Variants in TAF3 observed in about 807,000 individuals in gnomAD.
TAF3 encodes the protein TATA-box binding protein associated factor 3, also known as transcription initiation factor TFIID subunit 3.
A neutral mutation model predicts 80.6 loss-of-function variants in TAF3; 7 were observed. That is an observed-to-expected ratio of 0.09 (90% CI 0.05 to 0.16). The LOEUF is 0.16. TAF3 is among the 10% of genes least tolerant of loss of function. TAF3 has a pLI of 1.00. For synonymous variants in TAF3, 444 were observed against 446.1 expected, an observed-to-expected ratio of 1.00 and a Z score of 0.06; for missense variants, 921 against 1,140.2, an observed-to-expected ratio of 0.81 and a Z score of 2.77.
At chr10:7,832,980 G>C (rs1375823793) in intron 2 of TAF3, among the ~76,000 whole-genome samples, 1 of 152,194 alleles carries the variant, frequency 6.6e-6, no homozygotes, top group Non-Finnish European at 1.5e-5. Flanking sequence ...AGGATGATTT[G>C]AGGCCAGGAG....
At chr10:7,873,319 G>A (rs1243924651) in intron 2 of TAF3, among the ~76,000 whole-genome samples, 1 of 152,066 alleles carries the variant, frequency 6.6e-6, no homozygotes, top group African/African-American at 2.4e-5. Flanking sequence ...ATTTTAAAAG[G>A]TGGAAAACGG....
At chr10:7,994,991 AAAAAG>A (rs1564379724) in intron 4 of TAF3, among the ~76,000 whole-genome samples, 2 of 151,224 alleles carry the variant, frequency 1.3e-5, no homozygotes, top group African/African-American at 4.8e-5. Context: ...AAAAAAAAAA[AAAAAG>A]AAAAAAGAAA....
intron 2 of TAF3, among the ~76,000 whole-genome samples, chr10:7,839,314 A>G (rs1018389932): frequency 2.6e-5 from 4 of 152,062 alleles, no homozygotes; most frequent in African/African-American, 9.7e-5. Flanking sequence ...TGCCTCTGTA[A>G]CTTACCCAGG....
At chr10:7,823,575 G>C (rs573145946) in intron 1 of TAF3, among the ~76,000 whole-genome samples, 107 of 152,060 alleles carry the variant, frequency 7.0e-4, no homozygotes, top group African/African-American at 2.4e-3. Context: ...GTTTGAGGCA[G>C]CAAGGAGCTG....
intron 2 of TAF3, among the ~76,000 whole-genome samples, chr10:7,922,637 C>G (rs1837775306): frequency 6.6e-6 from 1 of 152,020 alleles, no homozygotes; most frequent in African/African-American, 2.4e-5. Context: ...GTACCCTGTC[C>G]TCATTTAAAT....
chr10:7,892,514 T>A (rs1021116875), intron 2 of TAF3, among the ~76,000 whole-genome samples: 2 of 152,218 alleles, frequency 1.3e-5, no homozygotes, highest in African/African-American at 4.8e-5. Flanking sequence ...GTGATGATTT[T>A]TTAAAAAGCA....
chr10:7,846,421 A>T (rs1250784922), intron 2 of TAF3, among the ~76,000 whole-genome samples: 1 of 152,126 alleles, frequency 6.6e-6, no homozygotes, highest in Non-Finnish European at 1.5e-5. Context: ...TGTGATTTTT[A>T]GTTCTTCTGG....
intron 2 of TAF3, among the ~76,000 whole-genome samples, chr10:7,844,944 A>G (rs1342463179): frequency 6.6e-6 from 1 of 152,162 alleles, no homozygotes; most frequent in Admixed American, 6.5e-5. Context: ...TGTTGCATCA[A>G]ATATCTTTGC....
At chr10:7,974,133 TACACACACACACACACACACACACAC>T (rs56363651) in intron 3 of TAF3, among the ~76,000 whole-genome samples, 1 of 145,256 alleles carries the variant, frequency 6.9e-6, no homozygotes, top group Non-Finnish European at 1.5e-5. Context: ...TTCTGAAACA[TACACACACACACACACACACACACAC>T]ACACACACAC....
chr10:7,994,809 C>CAA (rs34669002), intron 4 of TAF3, among the ~76,000 whole-genome samples: 64 of 124,354 alleles, frequency 5.1e-4, no homozygotes, highest in African/African-American at 1.8e-3. Flanking sequence ...CTAAAAATAC[C>CAA]AAAAAAAAAA....
intron 2 of TAF3, among the ~76,000 whole-genome samples, chr10:7,948,547 C>G (rs1427376590): frequency 6.6e-6 from 1 of 152,144 alleles, no homozygotes; most frequent in African/African-American, 2.4e-5. Flanking sequence ...TCATAATAAT[C>G]TTTAAATCCT....
At chr10:7,998,247 A>T (rs930636975) in intron 4 of TAF3, among the ~76,000 whole-genome samples, 1 of 97,984 alleles carries the variant, frequency 1.0e-5, no homozygotes, top group Admixed American at 1.2e-4. Flanking sequence ...AGAACTATAT[A>T]TATATATATA....
intron 4 of TAF3, 54 bp downstream of exon 4, chr10:7,977,377 ACT>A: frequency 8.4e-6 from 13 of 1,553,438 alleles, no homozygotes; most frequent in Non-Finnish European, 1.2e-5. Context: ...AACCTTCTCT[ACT>A]CTTTCCTAAG....
chr10:7,971,282 GAGAAATACA>G (rs1427757707), intron 3 of TAF3, among the ~76,000 whole-genome samples: 2 of 152,136 alleles, frequency 1.3e-5, no homozygotes, highest in African/African-American at 4.8e-5. Flanking sequence ...CTTAATTGCT[GAGAAATACA>G]AGATGGTTAC....
At chr10:7,844,001 A>G (rs956084742) in intron 2 of TAF3, among the ~76,000 whole-genome samples, 2 of 152,194 alleles carry the variant, frequency 1.3e-5, no homozygotes, top group Non-Finnish European at 2.9e-5. Flanking sequence ...TAAATGTCAA[A>G]GAATGTTTTA....
intron 4 of TAF3, among the ~76,000 whole-genome samples, chr10:7,998,001 G>A (rs1353438091): frequency 6.6e-6 from 1 of 151,876 alleles, no homozygotes; most frequent in Non-Finnish European, 1.5e-5. Flanking sequence ...AAAATTAAAA[G>A]GATTGTTTTT....
chr10:7,931,295 A>G (rs955296455), intron 2 of TAF3, among the ~76,000 whole-genome samples: 6 of 152,152 alleles, frequency 3.9e-5, no homozygotes, highest in African/African-American at 1.2e-4. Flanking sequence ...TGTGTGTGCT[A>G]CTGCTGATCA....
chr10:7,999,746 C>T (rs1588345486), intron 4 of TAF3, among the ~76,000 whole-genome samples: 1 of 152,040 alleles, frequency 6.6e-6, no homozygotes, highest in South Asian at 2.1e-4. Flanking sequence ...CGTGAGCCAC[C>T]GTGCCCAGCC....
intron 2 of TAF3, among the ~76,000 whole-genome samples, chr10:7,921,760 G>C (rs551079469): frequency 6.6e-6 from 1 of 152,178 alleles, no homozygotes; most frequent in South Asian, 2.1e-4. Flanking sequence ...TCAGCCAAAT[G>C]GCTGATATTA....
Sources: allele counts gnomAD v4.1 joint callset (sites outside exome capture counted in the v4.1 genomes callset), GRCh38; gene constraint gnomAD v4.1.1; transcripts MANE v1.5; gene names NCBI Gene and HGNC (gene_info 2026-07-23, HGNC 2026-07-21).